Variants in MIR2052HG observed in about 807,000 individuals in gnomAD.
The protein encoded by MIR2052HG is MIR2052 host gene.
intron 2 of MIR2052HG, among the ~76,000 whole-genome samples, chr8:74,635,651 C>T (rs1470455871): frequency 3.3e-5 from 5 of 152,134 alleles, no homozygotes; most frequent in Non-Finnish European, 5.9e-5. Context: ...TGTTGCTTAT[C>T]AATGTCAACA....
intron 4 of MIR2052HG, among the ~76,000 whole-genome samples, chr8:74,744,640 A>G (rs1809865285): frequency 6.6e-6 from 1 of 152,086 alleles, no homozygotes; most frequent in African/African-American, 2.4e-5. Context: ...CCATGTCCCT[A>G]CAAAGGACAT....
At chr8:74,743,669 T>G (rs1264216620) in intron 4 of MIR2052HG, among the ~76,000 whole-genome samples, 1 of 152,226 alleles carries the variant, frequency 6.6e-6, no homozygotes, top group Non-Finnish European at 1.5e-5. Flanking sequence ...GCTGTAGATC[T>G]GAATCACTTG....
intron 4 of MIR2052HG, among the ~76,000 whole-genome samples, chr8:74,728,664 C>T (rs1211940244): frequency 1.3e-5 from 2 of 151,418 alleles, no homozygotes; most frequent in African/African-American, 4.9e-5. Context: ...GAGAGGTTGC[C>T]CAGAAGAAAT....
intron 2 of MIR2052HG, among the ~76,000 whole-genome samples, chr8:74,641,426 G>A (rs1808637738): frequency 6.6e-6 from 1 of 152,080 alleles, no homozygotes; most frequent in South Asian, 2.1e-4. Context: ...GAACTGAAAT[G>A]TCCAGTAGAT....
rs1178043493 is a variant in MIR2052HG, at chr8:74,645,015, G to A, written n.216+32075G>A. Among the ~76,000 whole-genome samples, 4 of 152,172 alleles carry A rather than the reference G, an allele frequency of 2.6e-5. No individual in the cohort carries two copies. The East Asian group carries it at 7.7e-4, about 29-fold the overall frequency. On this transcript the variant is annotated intron_variant and non_coding_transcript_variant, in intron 2 of 6. Coordinates refer to ENST00000523442, the Ensembl canonical transcript of MIR2052HG. ...GATGCTTTATTTATAGAAGTAACAA[G>A]TTGGAATTGATTCTCCTGAAGAGTT... is the stretch of plus-strand genomic sequence containing the variant.
chr8:74,719,545 G>C (rs1809552927), intron 4 of MIR2052HG, among the ~76,000 whole-genome samples: 3 of 152,128 alleles, frequency 2.0e-5, no homozygotes, highest in Non-Finnish European at 2.9e-5. Context: ...CTGGTATCAT[G>C]TATTAGCAAG....
intron 2 of MIR2052HG, among the ~76,000 whole-genome samples, chr8:74,693,511 T>C (rs1333457617): frequency 6.6e-6 from 1 of 151,364 alleles, no homozygotes; most frequent in African/African-American, 2.4e-5. Flanking sequence ...AAGCCCTGCT[T>C]GCTTTCTCAG....
intron 2 of MIR2052HG, among the ~76,000 whole-genome samples, chr8:74,641,037 T>G (rs1266750863): frequency 3.3e-5 from 5 of 152,194 alleles, no homozygotes; most frequent in Non-Finnish European, 1.5e-5. Flanking sequence ...AGATGGGTAC[T>G]TTTTAATGGT....
chr8:74,694,346 A>G (rs1809274227), intron 2 of MIR2052HG, among the ~76,000 whole-genome samples: 1 of 152,236 alleles, frequency 6.6e-6, no homozygotes, highest in South Asian at 2.1e-4. Context: ...ATGGAACAAA[A>G]TAATCTGAAC....
At chr8:74,687,785 T>C in intron 2 of MIR2052HG, among the ~76,000 whole-genome samples, 1 of 152,140 alleles carries the variant, frequency 6.6e-6, no homozygotes, top group Admixed American at 6.5e-5. Flanking sequence ...TTAATAATAA[T>C]GCATTGTACA....
At chr8:74,662,566 C>A (rs770675844) in intron 2 of MIR2052HG, among the ~76,000 whole-genome samples, 1 of 152,090 alleles carries the variant, frequency 6.6e-6, no homozygotes, top group Non-Finnish European at 1.5e-5. Flanking sequence ...GCATATGTAT[C>A]CCAGAACTTA....
intron 5 of MIR2052HG, among the ~76,000 whole-genome samples, chr8:74,753,939 G>T (rs1254296187): frequency 6.6e-6 from 1 of 152,134 alleles, no homozygotes; most frequent in East Asian, 1.9e-4. Context: ...TCACTTATGT[G>T]CTGTTGAATT....
chr8:74,622,228 A>G (rs1209226559), intron 2 of MIR2052HG, among the ~76,000 whole-genome samples: 1 of 152,242 alleles, frequency 6.6e-6, no homozygotes. Flanking sequence ...TAATCCATTT[A>G]AAGAATGGGC....
At chr8:74,632,143 T>C (rs1171546745) in intron 2 of MIR2052HG, among the ~76,000 whole-genome samples, 1 of 152,174 alleles carries the variant, frequency 6.6e-6, no homozygotes, top group African/African-American at 2.4e-5. Context: ...AGGCCATTTT[T>C]CCACTCATTG....
chr8:74,711,225 T>G (rs1009977095), intron 4 of MIR2052HG, among the ~76,000 whole-genome samples: 1 of 152,162 alleles, frequency 6.6e-6, no homozygotes, highest in Non-Finnish European at 1.5e-5. Context: ...TGGCTCTCTG[T>G]GCATCTGCAC....
intron 2 of MIR2052HG, among the ~76,000 whole-genome samples, chr8:74,681,935 T>C (rs957342258): frequency 6.6e-6 from 1 of 152,194 alleles, no homozygotes; most frequent in African/African-American, 2.4e-5. Flanking sequence ...TACAGATCAC[T>C]GGGGAAATGT....
At chr8:74,711,239 C>A (rs776003973) in intron 4 of MIR2052HG, among the ~76,000 whole-genome samples, 10 of 152,104 alleles carry the variant, frequency 6.6e-5, no homozygotes, top group African/African-American at 2.2e-4. Context: ...TCTGCACTGC[C>A]CTTTTCCCAG....
intron 4 of MIR2052HG, among the ~76,000 whole-genome samples, chr8:74,720,325 C>CTTGTAGACTGG (rs1468352407): frequency 1.3e-5 from 2 of 152,194 alleles, no homozygotes; most frequent in East Asian, 3.9e-4. Context: ...GCAATATCTG[C>CTTGTAGACTGG]TTGTAGACTG....
intron 2 of MIR2052HG, among the ~76,000 whole-genome samples, chr8:74,665,379 C>A (rs1808911230): frequency 6.6e-6 from 1 of 152,190 alleles, no homozygotes; most frequent in Non-Finnish European, 1.5e-5. Flanking sequence ...AATAACCTTG[C>A]TGGCTCCATG....
Sources: allele counts gnomAD v4.1 joint callset (sites outside exome capture counted in the v4.1 genomes callset), GRCh38; gene constraint gnomAD v4.1.1; transcripts MANE v1.5; gene names NCBI Gene and HGNC (gene_info 2026-07-23, HGNC 2026-07-21).